The following CC2D2B variants were observed in gnomAD, a reference collection of about 807,000 sequenced individuals.
The protein encoded by CC2D2B is protein CC2D2B.
In CC2D2B, 128 loss-of-function variants were observed where a neutral mutation model predicts 161.2. That is an observed-to-expected ratio of 0.79 (90% CI 0.69 to 0.92). The LOEUF is 0.92. CC2D2B is among the 40% of genes least tolerant of loss of function. The pLI is 0.00. For synonymous variants in CC2D2B, 391 were observed against 449.8 expected, an observed-to-expected ratio of 0.87 and a Z score of 1.65; for missense variants, 1,173 against 1,375.1, an observed-to-expected ratio of 0.85 and a Z score of 2.32.
At chr10:95,961,157 G>C (rs530706874) in intron 11 of CC2D2B, among the ~76,000 whole-genome samples, 2 of 152,154 alleles carry the variant, frequency 1.3e-5, no homozygotes, top group Non-Finnish European at 2.9e-5. Flanking sequence ...TTATCAAAAC[G>C]TAGGGGCTTT....
Position 96,032,068 on chromosome 10 carries a change from T to C in CC2D2B, c.*60T>C. 7.7e-7 allele frequency: 1 copy of C among 1,297,008 alleles called. No homozygotes were observed. Among genetic ancestry groups the C allele is most frequent in the Non-Finnish European group, 1.1e-6 (1 of 937,528 alleles). 80.3% of individuals were successfully genotyped at this position (1,297,008 alleles called of 1,614,324 possible). ...AGTCCTCTAGTACCAACAAAAACTTTTCTGGTACCTTGAGATTTTGCTGTT... is the reference window on the plus strand; with the variant it reads ...AGTCCTCTAGTACCAACAAAAACTTCTCTGGTACCTTGAGATTTTGCTGTT... On this transcript the variant is annotated 3_prime_UTR_variant, in exon 35 of 35. Transcript: ENST00000646931.
intron 6 of CC2D2B, among the ~76,000 whole-genome samples, chr10:95,937,284 G>C (rs1447198604): frequency 6.6e-6 from 1 of 152,072 alleles, no homozygotes; most frequent in African/African-American, 2.4e-5. Flanking sequence ...CTCACACACT[G>C]TCTCTGTTGT....
chr10:95,950,398 T>A (rs2076358528), intron 10 of CC2D2B: 1 of 201,278 alleles, frequency 5.0e-6, no homozygotes, highest in African/African-American at 2.3e-5. Context: ...GTGGCTGTTT[T>A]AAGTCTTATA....
In CC2D2B at chr10:95,997,936, C is replaced by T. The variant is rs138591213; in HGVS notation, c.2849+1684C>T. 1.4e-4 allele frequency among the ~76,000 whole-genome samples: 21 copies of T among 152,312 alleles called. 1 individual carries two copies. The highest frequency in any genetic ancestry group is 5.1e-4 in the African/African-American group (21 of 41,578). ...TCTAAAGTGATTATATCAATATACA[C>T]TCCCAACAGCAGTATATACAATTTC... On this transcript the variant is annotated intron_variant, in intron 24 of 34. Coordinates refer to ENST00000646931, the MANE Select transcript of CC2D2B (RefSeq NM_001349008.3).
chr10:95,941,351 C>G (rs1292912649), intron 9 of CC2D2B, among the ~76,000 whole-genome samples: 1 of 151,986 alleles, frequency 6.6e-6, no homozygotes, highest in Non-Finnish European at 1.5e-5. Context: ...GAGACTACAA[C>G]AAACTAAAAT....
intron 18 of CC2D2B, among the ~76,000 whole-genome samples, chr10:95,983,165 G>A (rs964091137): frequency 1.4e-4 from 22 of 152,114 alleles, no homozygotes; most frequent in Non-Finnish European, 2.5e-4. Context: ...ACTATTCCTC[G>A]TGTGTACTAT....
At chr10:96,013,291 C>T (rs1238909877) in intron 28 of CC2D2B, among the ~76,000 whole-genome samples, 1 of 151,598 alleles carries the variant, frequency 6.6e-6, no homozygotes, top group Non-Finnish European at 1.5e-5. Flanking sequence ...TGACAAAGCA[C>T]ATTGTACTAC....
chr10:95,983,755 C>T lies in CC2D2B; in HGVS notation c.2232C>T (p.Phe744=). 8.1e-7 allele frequency: 1 copy of T among 1,231,322 alleles called. No individual in the cohort carries two copies. Among genetic ancestry groups the T allele is most frequent in the Non-Finnish European group, 1.0e-6 (1 of 987,332 alleles). 76.3% of individuals were successfully genotyped at this position (1,231,322 alleles called of 1,614,324 possible). ...GAAATGCAGGTCAATTAGATAATTT[C>T]CTTCTACAGCAAATGCCCCTCCATG... The part of the protein sequence containing the change: ...QLRNAGQLDN[F]LLQQMPLHDT... The change falls in exon 19 of 35, where the codon TTC becomes TTT. Residue 744 remains phenylalanine (F), a synonymous_variant. Coordinates refer to ENST00000646931, the MANE Select transcript of CC2D2B (RefSeq NM_001349008.3).
At chr10:96,017,666 C>T (rs1304628343) in intron 30 of CC2D2B, among the ~76,000 whole-genome samples, 2 of 152,242 alleles carry the variant, frequency 1.3e-5, no homozygotes, top group South Asian at 2.1e-4. Flanking sequence ...CATGGTGGCT[C>T]ATGCCTATGA....
intron 25 of CC2D2B, among the ~76,000 whole-genome samples, chr10:96,009,548 C>T (rs2078896862): frequency 6.6e-6 from 1 of 152,162 alleles, no homozygotes; most frequent in Non-Finnish European, 1.5e-5. Flanking sequence ...ATAATGCCTC[C>T]ATTTCCCCTT....
At position 96,027,177 on chromosome 10, in the gene CC2D2B, C is replaced by T. The variant is rs542171148; in HGVS notation, c.3948-35C>T. 13 of 1,380,452 alleles carry T rather than the reference C, an allele frequency of 9.4e-6. No individual in the cohort carries two copies. The East Asian group carries it at 2.9e-4, about 31-fold the overall frequency. 85.5% of individuals were successfully genotyped at this position (1,380,452 alleles called of 1,614,324 possible). A position where few individuals can be genotyped will look rare whatever the true frequency, so the allele number is the denominator to read the frequency against. On this transcript the variant is annotated intron_variant, in intron 33 of 34. Coordinates refer to ENST00000646931, the MANE Select transcript of CC2D2B (RefSeq NM_001349008.3). Reference sequence around the variant, plus strand: ...ATTATATTTACCAAATGAGTTATAACTTGTCATAAAATTACCTTTGGATTC... The same window carrying T: ...ATTATATTTACCAAATGAGTTATAATTTGTCATAAAATTACCTTTGGATTC...
chr10:95,994,114 G>A, intron 22 of CC2D2B, among the ~76,000 whole-genome samples: 1 of 150,392 alleles, frequency 6.6e-6, no homozygotes, highest in Non-Finnish European at 1.5e-5. Flanking sequence ...GGGCCCAGGG[G>A]ACCACTACCA....
At chr10:95,978,338 ATT>A (rs2077392150) in intron 17 of CC2D2B, among the ~76,000 whole-genome samples, 1 of 151,904 alleles carries the variant, frequency 6.6e-6, no homozygotes, top group Admixed American at 6.6e-5. Flanking sequence ...TTCTTATTGA[ATT>A]TGTATTGGAG....
At chr10:96,010,594 G>A (rs1204100237) in intron 26 of CC2D2B, among the ~76,000 whole-genome samples, 1 of 152,164 alleles carries the variant, frequency 6.6e-6, no homozygotes, top group Non-Finnish European at 1.5e-5. Context: ...ATAGGTACAT[G>A]GGAACATACA....
At chr10:95,924,505 T>G (rs1438111965) in intron 4 of CC2D2B, 115 bp downstream of exon 4, 11 of 597,468 alleles carry the variant, frequency 1.8e-5, no homozygotes, top group Non-Finnish European at 3.2e-5. Flanking sequence ...AGCTCCTTAA[T>G]TCCTAAAGTC....
intron 5 of CC2D2B, among the ~76,000 whole-genome samples, chr10:95,926,185 G>A (rs537253483): frequency 5.1e-4 from 77 of 152,150 alleles, no homozygotes; most frequent in South Asian, 2.5e-3. Context: ...ATTTCACTAC[G>A]AGTAGTAAAA....
intron 19 of CC2D2B, among the ~76,000 whole-genome samples, chr10:95,985,164 G>T (rs2077670537): frequency 6.6e-6 from 1 of 152,120 alleles, no homozygotes; most frequent in African/African-American, 2.4e-5. Context: ...TCATTGATAG[G>T]AAGAGTCAAC....
At chr10:95,965,594 A>G (rs2076912717) in intron 12 of CC2D2B, among the ~76,000 whole-genome samples, 1 of 152,048 alleles carries the variant, frequency 6.6e-6, no homozygotes, top group Non-Finnish European at 1.5e-5. Flanking sequence ...TTATCTCCCC[A>G]TTCCCCTGTT....
intron 11 of CC2D2B, among the ~76,000 whole-genome samples, chr10:95,957,521 C>G (rs956742110): frequency 2.6e-5 from 4 of 151,014 alleles, no homozygotes; most frequent in Non-Finnish European, 4.4e-5. Context: ...TATACCTCAG[C>G]CTGATCCTGG....
Sources: gnomAD v4.1 joint callset for allele counts (sites outside exome capture counted in the v4.1 genomes callset) on GRCh38, gnomAD v4.1.1 for gene constraint, MANE v1.5 for transcripts, NCBI Gene and HGNC (gene_info 2026-07-23, HGNC 2026-07-21) for gene names.